Variants in FER observed in about 807,000 individuals in gnomAD.
FER encodes the protein FER tyrosine kinase.
A neutral mutation model predicts 111.0 loss-of-function variants in FER; 63 were observed. That is an observed-to-expected ratio of 0.57 (90% CI 0.46 to 0.70). The LOEUF is 0.70. Among genes scored for constraint, FER ranks in the 30% least tolerant of loss-of-function variants. The probability of loss-of-function intolerance (pLI) is 0.00; values close to 1 mark genes in which losing one functional copy is unlikely to be tolerated. For synonymous variants in FER, 327 were observed against 313.9 expected (o/e 1.04, Z -0.44); for missense variants, 914 against 954.0 (o/e 0.96, Z 0.55).
intron 17 of FER, among the ~76,000 whole-genome samples, chr5:109,117,308 ACAGAAC>A (rs1251621292): frequency 6.6e-6 from 1 of 152,162 alleles, no homozygotes; most frequent in Non-Finnish European, 1.5e-5. Context: ...AATAGTGACT[ACAGAAC>A]AATAATTCAT....
At chr5:108,915,408 G>A (rs933476272) in intron 10 of FER, among the ~76,000 whole-genome samples, 2 of 152,108 alleles carry the variant, frequency 1.3e-5, no homozygotes, top group African/African-American at 4.8e-5. Flanking sequence ...GGAGGCAGAG[G>A]ATGCATGAGC....
chr5:109,153,814 C>G (rs868010839), intron 17 of FER, among the ~76,000 whole-genome samples: 2 of 151,790 alleles, frequency 1.3e-5, no homozygotes, highest in African/African-American at 4.8e-5. Flanking sequence ...TTGTATTTAA[C>G]CATTAGCAGT....
chr5:108,859,371 C>T (rs1352549747), intron 5 of FER, among the ~76,000 whole-genome samples: 1 of 152,088 alleles, frequency 6.6e-6, no homozygotes, highest in Admixed American at 6.5e-5. Context: ...CCAACACCCA[C>T]CTCCAACCAA....
At chr5:109,068,072 T>A (rs559130761) in intron 16 of FER, among the ~76,000 whole-genome samples, 1 of 152,144 alleles carries the variant, frequency 6.6e-6, no homozygotes, top group Non-Finnish European at 1.5e-5. Flanking sequence ...ACCAAATTTA[T>A]TGTATTCCAG....
At chr5:108,791,352 T>C (rs1200074745) in intron 2 of FER, among the ~76,000 whole-genome samples, 1 of 152,142 alleles carries the variant, frequency 6.6e-6, no homozygotes, top group African/African-American at 2.4e-5. Flanking sequence ...GAAATAGTTA[T>C]CTCATTATAG....
intron 5 of FER, among the ~76,000 whole-genome samples, chr5:108,864,411 T>A (rs906882744): frequency 6.6e-6 from 1 of 152,150 alleles, no homozygotes; most frequent in Non-Finnish European, 1.5e-5. Flanking sequence ...TGTCCCTCTT[T>A]GCAAAAACCC....
chr5:108,827,892 A>G (rs1759642580), intron 3 of FER, among the ~76,000 whole-genome samples: 1 of 149,174 alleles, frequency 6.7e-6, no homozygotes, highest in Non-Finnish European at 1.5e-5. Context: ...GTAGTGGCAA[A>G]GTCATAGCTC....
chr5:109,030,761 C>T (rs999424197), intron 13 of FER, among the ~76,000 whole-genome samples: 1 of 152,112 alleles, frequency 6.6e-6, no homozygotes, highest in African/African-American at 2.4e-5. Context: ...ATTCTTTCTC[C>T]CGTTAGGCAC....
chr5:108,919,509 T>G (rs978542830), intron 10 of FER, among the ~76,000 whole-genome samples: 3 of 152,188 alleles, frequency 2.0e-5, no homozygotes, highest in Non-Finnish European at 2.9e-5. Flanking sequence ...AGGCCTCATA[T>G]CTTAAGTCAT....
intron 10 of FER, among the ~76,000 whole-genome samples, chr5:108,913,682 T>C (rs1017083656): frequency 6.6e-6 from 1 of 152,180 alleles, no homozygotes; most frequent in Non-Finnish European, 1.5e-5. Flanking sequence ...TACATACATA[T>C]GCTCTCAAAA....
chr5:109,073,393 G>A lies in FER; in HGVS notation c.1924+26195G>A, dbSNP rs185084552. 5.5e-3 allele frequency among the ~76,000 whole-genome samples: 832 copies of A among 152,074 alleles called. 4 individuals carry two copies. Among genetic ancestry groups the A allele is most frequent in the Admixed American group, 9.0e-3 (138 of 15,262 alleles). On this transcript the variant is annotated intron_variant, in intron 16 of 19. Transcript: ENST00000281092. ...ATGACCATCTCTGTCCTCATGGCTC[G>A]TGCCATATAGTCCGTCATAATTTAT...
intron 13 of FER, among the ~76,000 whole-genome samples, chr5:109,026,121 A>C (rs982469291): frequency 6.6e-6 from 1 of 152,208 alleles, no homozygotes; most frequent in Non-Finnish European, 1.5e-5. Flanking sequence ...TATAATAAAC[A>C]AGTTTATTTT....
intron 13 of FER, among the ~76,000 whole-genome samples, chr5:108,964,726 G>C (rs1759581321): frequency 6.6e-6 from 1 of 152,144 alleles, no homozygotes; most frequent in Admixed American, 6.5e-5. Context: ...TTTTCATAGT[G>C]GGTCTCTTGA....
chr5:108,962,665 C>T (rs867682619), intron 13 of FER, among the ~76,000 whole-genome samples: 6 of 152,252 alleles, frequency 3.9e-5, no homozygotes, highest in Middle Eastern at 3.4e-3. Context: ...GCTAGGAGCC[C>T]AGGTAATTGC....
At chr5:109,100,073 T>C (rs1748037721) in intron 16 of FER, among the ~76,000 whole-genome samples, 1 of 151,798 alleles carries the variant, frequency 6.6e-6, no homozygotes, top group South Asian at 2.1e-4. Flanking sequence ...GCAAATTCTA[T>C]AGATTTTAGT....
chr5:108,957,048 G>A (rs1202110796), intron 12 of FER, among the ~76,000 whole-genome samples: 1 of 151,580 alleles, frequency 6.6e-6, no homozygotes, highest in African/African-American at 2.4e-5. Context: ...AATAAAAAGA[G>A]CACTGAATTT....
At chr5:109,138,697 C>T (rs1416294589) in intron 17 of FER, among the ~76,000 whole-genome samples, 1 of 152,076 alleles carries the variant, frequency 6.6e-6, no homozygotes, top group Non-Finnish European at 1.5e-5. Flanking sequence ...CTTGTGTTTC[C>T]ATCTGATGTT....
At chr5:108,922,589 C>T (rs1293827765) in intron 10 of FER, among the ~76,000 whole-genome samples, 1 of 151,956 alleles carries the variant, frequency 6.6e-6, no homozygotes, top group East Asian at 1.9e-4. Context: ...TGGGTAAGTG[C>T]CTGGCACCTA....
chr5:108,946,387 G>A (rs1361652869), intron 11 of FER, among the ~76,000 whole-genome samples, 165 bp downstream of exon 11: 1 of 151,700 alleles, frequency 6.6e-6, no homozygotes, highest in Non-Finnish European at 1.5e-5. Context: ...TTAACTTTTT[G>A]TGTGCATATG....
Sources: allele counts gnomAD v4.1 joint callset (sites outside exome capture counted in the v4.1 genomes callset), GRCh38; gene constraint gnomAD v4.1.1; transcripts MANE v1.5; gene names NCBI Gene and HGNC (gene_info 2026-07-23, HGNC 2026-07-21).